The following KIRREL1 variants were observed in gnomAD, a reference collection of about 807,000 sequenced individuals.
KIRREL1 encodes kin of IRRE-like protein 1.
In KIRREL1, 25 loss-of-function variants were observed where a neutral mutation model predicts 83.3. That is an observed-to-expected ratio of 0.30 (90% CI 0.22 to 0.42). The LOEUF is 0.42. Among genes scored for constraint, KIRREL1 ranks in the 10% least tolerant of loss-of-function variants. KIRREL1 has a pLI of 1.00. For synonymous variants in KIRREL1, 388 were observed against 410.4 expected, an observed-to-expected ratio of 0.95 and a Z score of 0.66; for missense variants, 812 against 1,032.3, an observed-to-expected ratio of 0.79 and a Z score of 2.92.
intron 1 of KIRREL1, among the ~76,000 whole-genome samples, chr1:158,013,173 A>C (rs1381265649): frequency 6.6e-6 from 1 of 152,076 alleles, no homozygotes; most frequent in Non-Finnish European, 1.5e-5. Context: ...TACCCCATAA[A>C]ATTTAGAGAG....
chr1:158,098,291 T>C lies in KIRREL1; in HGVS notation c.*3171T>C, dbSNP rs1244343636. On this transcript the variant is annotated 3_prime_UTR_variant, in exon 15 of 15. Coordinates refer to ENST00000359209, the MANE Select transcript of KIRREL1 (RefSeq NM_018240.7). ...AGGTGCCTTTTGCCAGGGCAGGACA[T>C]AGTATGCACATAGGGATATTGTTAT... The C allele has an allele frequency of 6.6e-6, 1 of 152,234 alleles. No individual in the cohort carries two copies. The highest frequency in any genetic ancestry group is 1.5e-5 in the Non-Finnish European group (1 of 68,068). 9.4% of individuals were successfully genotyped at this position (152,234 alleles called of 1,614,324 possible). A position where few individuals can be genotyped will look rare whatever the true frequency, so the allele number is the denominator to read the frequency against.
At position 158,094,353 on chromosome 1, in the gene KIRREL1, G is replaced by A. The variant is rs745934579; in HGVS notation, c.1760G>A (p.Cys587Tyr). The A allele has an allele frequency of 1.2e-6, 2 of 1,612,340 alleles. No individual in the cohort carries two copies. Among genetic ancestry groups the A allele is most frequent in the Non-Finnish European group, 8.5e-7 (1 of 1,179,540 alleles). ...DDVDLKQDLR[C>Y]DTIDTREEYE... The stretch of plus-strand genomic sequence containing the variant: ...GTGGATCTGAAGCAGGACCTGCGCT[G>A]CGACACCATCGACACCCGGGAGGAG... Residue 587 changes from cysteine (C) to tyrosine (Y), a missense_variant, in exon 14 of 15, where the codon TGC (cysteine) becomes TAC (tyrosine). By Grantham distance (194) the Cys-to-Tyr change is radical. This residue lies in a region of KIRREL1 where 334 missense variants were observed against 383.7 expected (regional missense o/e 0.87). Coordinates refer to ENST00000359209, the MANE Select transcript of KIRREL1 (RefSeq NM_018240.7). This position sits in a 1 kb window ranked among gnomAD's most constrained non-coding sequence, Gnocchi z 4.6.
intron 1 of KIRREL1, among the ~76,000 whole-genome samples, chr1:158,012,180 C>G (rs1197991231): frequency 6.6e-6 from 1 of 152,174 alleles, no homozygotes; most frequent in African/African-American, 2.4e-5. Context: ...ATTTTAATCT[C>G]AACTCGTCTT....
intron 1 of KIRREL1, among the ~76,000 whole-genome samples, chr1:158,015,865 T>A (rs4971173): frequency 0.95 from 145,268 of 152,122 alleles, 69,486 homozygotes; most frequent in East Asian, 1. Flanking sequence ...TTCCCTAATC[T>A]CCACCATCCC....
intron 1 of KIRREL1, among the ~76,000 whole-genome samples, chr1:158,017,047 T>C (rs1659844149): frequency 6.6e-6 from 1 of 152,194 alleles, no homozygotes; most frequent in Admixed American, 6.5e-5. Context: ...CAACCCCACA[T>C]TCACGGAGCA....
rs778164271 is a variant in KIRREL1 at position 158,094,841 on chromosome 1, C to T, written c.1995C>T (p.Pro665=). 1 of 1,613,866 alleles carries T rather than the reference C, an allele frequency of 6.2e-7. No homozygotes were observed. Among genetic ancestry groups the T allele is most frequent in the East Asian group, 2.2e-5 (1 of 44,866 alleles). The change falls in exon 15 of 15, where the codon CCC becomes CCT. Residue 665 remains proline (P), a synonymous_variant. Coordinates refer to ENST00000359209, the MANE Select transcript of KIRREL1 (RefSeq NM_018240.7). This position sits in a 1 kb window ranked among gnomAD's most constrained non-coding sequence, Gnocchi z 4.6. The part of the protein sequence containing the change: ...RGPASDYGPE[P]TPPGPAAPAG... ...CTGCCTCTGACTATGGCCCTGAGCC[C>T]ACACCCCCTGGCCCTGCTGCCCCAG...
Position 158,029,362 on chromosome 1 carries a change from T to TGTGTGC in KIRREL1, c.52+35635_52+35640dup, listed in dbSNP as rs879312910. Among the ~76,000 whole-genome samples the TGTGTGC allele has an allele frequency of 1.9e-4, 29 of 148,972 alleles. 1 individual carries two copies. The highest frequency in any genetic ancestry group is 4.0e-4 in the Admixed American group (6 of 15,018). On this transcript the variant is annotated intron_variant, in intron 1 of 14. Transcript: ENST00000359209. ...CTGTGTGTGTGTGTGTGTGTGTGTGTGTGTGCACGTGCGCGCGCATGCACA... is the reference window on the plus strand; with the variant it reads ...CTGTGTGTGTGTGTGTGTGTGTGTGTGTGTGCGTGTGCACGTGCGCGCGCATGCACA...
chr1:157,994,022 G>A (rs750344145), intron 1 of KIRREL1, among the ~76,000 whole-genome samples: 1 of 152,248 alleles, frequency 6.6e-6, no homozygotes, highest in Non-Finnish European at 1.5e-5. Context: ...ACGGGGAACC[G>A]AACGCTTTCT....
intron 1 of KIRREL1, among the ~76,000 whole-genome samples, chr1:158,010,512 G>A (rs1204532885): frequency 6.6e-6 from 1 of 151,622 alleles, no homozygotes; most frequent in Non-Finnish European, 1.5e-5. Flanking sequence ...TGGACCAACG[G>A]TGTGGGTGCT....
At chr1:157,995,266 G>T (rs1488366309) in intron 1 of KIRREL1, among the ~76,000 whole-genome samples, 2 of 152,170 alleles carry the variant, frequency 1.3e-5, no homozygotes, top group African/African-American at 2.4e-5. Context: ...TCCCCACAGG[G>T]CACCCATGCC....
chr1:158,016,881 A>G (rs1659841152), intron 1 of KIRREL1, among the ~76,000 whole-genome samples: 1 of 152,200 alleles, frequency 6.6e-6, no homozygotes, highest in Non-Finnish European at 1.5e-5. Flanking sequence ...TGTGACTTCT[A>G]TCCATTTCTC....
At chr1:158,017,866 A>G (rs1659877012) in intron 1 of KIRREL1, among the ~76,000 whole-genome samples, 1 of 142,292 alleles carries the variant, frequency 7.0e-6, no homozygotes, top group Non-Finnish European at 1.5e-5. Context: ...GATCCTTCAG[A>G]ATTAGAGAGG....
intron 1 of KIRREL1, among the ~76,000 whole-genome samples, chr1:158,037,267 G>T (rs927675820): frequency 3.9e-5 from 6 of 152,128 alleles, no homozygotes; most frequent in Non-Finnish European, 7.4e-5. Context: ...GGCTGAGGCT[G>T]GTGGATCACA....
intron 8 of KIRREL1, 122 bp from the exon 9 acceptor site, chr1:158,089,380 C>T (rs1333014489): frequency 6.6e-7 from 1 of 1,508,862 alleles, no homozygotes; most frequent in Non-Finnish European, 9.0e-7. Context: ...ACCCCATTTC[C>T]CTTCTGGGAA....
intron 1 of KIRREL1, among the ~76,000 whole-genome samples, chr1:157,996,560 A>G (rs1339092603): frequency 6.6e-6 from 1 of 151,840 alleles, no homozygotes; most frequent in Non-Finnish European, 1.5e-5. Context: ...GGGTAAAGGG[A>G]GGAGGCCCGA....
intron 1 of KIRREL1, among the ~76,000 whole-genome samples, chr1:157,998,314 A>G (rs975186556): frequency 6.6e-6 from 1 of 152,248 alleles, no homozygotes; most frequent in Non-Finnish European, 1.5e-5. Flanking sequence ...TTCCTGGTCC[A>G]TAGCAGAATG....
chr1:158,089,680 T>C (rs765913419), intron 9 of KIRREL1, 38 bp from the exon 10 acceptor site: 3 of 1,613,912 alleles, frequency 1.9e-6, no homozygotes, highest in Non-Finnish European at 2.5e-6. Flanking sequence ...GGTACTGCAG[T>C]TTTTAACTGG....
intron 4 of KIRREL1, 45 bp from the exon 5 acceptor site, chr1:158,086,551 G>A (rs1016095047): frequency 7.1e-6 from 11 of 1,542,276 alleles, no homozygotes; most frequent in Non-Finnish European, 7.9e-6. Flanking sequence ...AGCAGAGGAG[G>A]GGGCTTTTAG....
chr1:158,099,706 C>G lies in KIRREL1; in HGVS notation c.*4586C>G, dbSNP rs1662443308. On this transcript the variant is annotated 3_prime_UTR_variant, in exon 15 of 15. Coordinates refer to ENST00000359209, the MANE Select transcript of KIRREL1 (RefSeq NM_018240.7). ...ACTCATTCCTGCCAGTCTGCTGTCC[C>G]TACCCTGGTTTTTTGCTGGCCCCAA... is the stretch of plus-strand genomic sequence containing the variant. The G allele has an allele frequency of 6.6e-6, 1 of 152,176 alleles. No individual in the cohort carries two copies. The highest frequency in any genetic ancestry group is 2.4e-5 in the African/African-American group (1 of 41,412). 9.4% of individuals were successfully genotyped at this position (152,176 alleles called of 1,614,324 possible).
Sources: gnomAD v4.1 joint callset for allele counts (sites outside exome capture counted in the v4.1 genomes callset) on GRCh38, gnomAD v4.1.1 for gene constraint, gnomAD v4.1.1 regional missense constraint, Gnocchi (gnomAD v3.1) non-coding constraint, MANE v1.5 for transcripts, NCBI Gene and HGNC (gene_info 2026-07-23, HGNC 2026-07-21) for gene names.